The following LAP3 variants were observed in gnomAD, a reference collection of about 807,000 sequenced individuals.
The protein encoded by LAP3 is leucine aminopeptidase 3.
A neutral mutation model predicts 58.8 loss-of-function variants in LAP3; 46 were observed. The observed-to-expected ratio is 0.78, with a 90% CI of 0.62 to 1.00. LAP3 has a LOEUF of 1.00. LAP3 is among the 50% of genes least tolerant of loss of function. The pLI, the probability that LAP3 is intolerant of heterozygous loss-of-function variation, is 0.00. For missense variants in LAP3, 615 were observed against 659.1 expected, an observed-to-expected ratio of 0.93 and a Z score of 0.73; for synonymous variants, 257 against 237.7, an observed-to-expected ratio of 1.08 and a Z score of -0.75.
intron 7 of LAP3, among the ~76,000 whole-genome samples, chr4:17,594,633 C>G (rs1048514377): frequency 5.9e-5 from 9 of 152,182 alleles, no homozygotes; most frequent in Non-Finnish European, 1.3e-4. Flanking sequence ...TGGTTTCTTG[C>G]TAATTGCAGC....
At chr4:17,588,090 A>C (rs745928949) in intron 6 of LAP3, among the ~76,000 whole-genome samples, 7 of 152,010 alleles carry the variant, frequency 4.6e-5, no homozygotes, top group Non-Finnish European at 7.4e-5. Flanking sequence ...TGCTGTGGCG[A>C]GATCGTGGCT....
intron 11 of LAP3, among the ~76,000 whole-genome samples, chr4:17,605,357 A>T (rs1714099555): frequency 6.6e-6 from 1 of 152,114 alleles, no homozygotes; most frequent in South Asian, 2.1e-4. Context: ...TGTTCAATTC[A>T]AGGCCATAGG....
At chr4:17,600,664 C>T (rs901531631) in intron 10 of LAP3, among the ~76,000 whole-genome samples, 3 of 152,132 alleles carry the variant, frequency 2.0e-5, no homozygotes, top group African/African-American at 4.8e-5. Context: ...AGCTTTCAGA[C>T]CACACCAGGT....
At chr4:17,602,461 T>C (rs1210933898) in intron 10 of LAP3, among the ~76,000 whole-genome samples, 1 of 152,116 alleles carries the variant, frequency 6.6e-6, no homozygotes, top group Non-Finnish European at 1.5e-5. Flanking sequence ...TGCTAATTAA[T>C]GTAAAAATAG....
chr4:17,582,384 G>A lies in LAP3; in HGVS notation c.370G>A (p.Ala124Thr), dbSNP rs1349901826. The A allele has an allele frequency of 1.2e-6, 2 of 1,612,278 alleles. No homozygotes were observed. The highest frequency in any genetic ancestry group is 1.7e-6 in the Non-Finnish European group (2 of 1,178,874). The change falls in exon 4 of 13, where the codon GCT becomes ACT. Residue 124 changes from alanine (A) to threonine (T), a missense_variant. Transcript: ENST00000226299. ...WHEGKENIRA[A>T]VAAGCRQIQD... Reference sequence around the variant, plus strand: ...TGAAGGCAAAGAAAACATCAGAGCTGCTGTTGCAGGTTATTTCACTTTTTA... The same window carrying A: ...TGAAGGCAAAGAAAACATCAGAGCTACTGTTGCAGGTTATTTCACTTTTTA...
chr4:17,582,443 A>G lies in LAP3; in HGVS notation c.379+50A>G, dbSNP rs993055046. 31 of 1,391,936 alleles carry G rather than the reference A, an allele frequency of 2.2e-5. No homozygotes were observed. In the Admixed American group the frequency reaches 2.7e-4, roughly 12 times the overall value. The allele number at this position is 1,391,936 out of a possible 1,614,324, so 86.2% of individuals were successfully genotyped here. ...GAATCCTGAGGATCCACTCTTTTTG[A>G]TGACCTCTCTTTCCCCTTTTTGTCC... is the stretch of plus-strand genomic sequence containing the variant. On this transcript the variant is annotated intron_variant, in intron 4 of 12. Coordinates refer to ENST00000226299, the MANE Select transcript of LAP3 (RefSeq NM_015907.3).
At position 17,577,458 on chromosome 4, in the gene LAP3, C is replaced by A; in HGVS notation, c.-8C>A. On this transcript the variant is annotated 5_prime_UTR_variant, in exon 1 of 13. Coordinates refer to ENST00000226299, the MANE Select transcript of LAP3 (RefSeq NM_015907.3). ...CTGGAGGGCGGTGCGAGGGGCCGAG[C>A]CGACAAGATGTTCTTGCTGCCTCTT... 1 of 1,556,896 alleles carries A rather than the reference C, an allele frequency of 6.4e-7. No homozygotes were observed. The highest frequency in any genetic ancestry group is 1.2e-5 in the South Asian group (1 of 84,540).
chr4:17,581,876 T>C, intron 3 of LAP3, 62 bp downstream of exon 3: 1 of 1,262,470 alleles, frequency 7.9e-7, no homozygotes, highest in South Asian at 1.2e-5. Flanking sequence ...CACCAAGTAT[T>C]GGGGCTGTCT....
Position 17,583,467 on chromosome 4 carries a change from C to G in LAP3, c.380-16C>G. On this transcript the variant is annotated splice_polypyrimidine_tract_variant and intron_variant, in intron 4 of 12. Coordinates refer to ENST00000226299, the MANE Select transcript of LAP3 (RefSeq NM_015907.3). ...TTGGACTGACTCCAGTTTTCTGATT[C>G]CTCTGTCTTTTCAAGCGGGGTGCAG... The G allele has an allele frequency of 6.2e-7, 1 of 1,612,862 alleles. No individual in the cohort carries two copies. The highest frequency in any genetic ancestry group is 8.5e-7 in the Non-Finnish European group (1 of 1,179,914).
intron 8 of LAP3, 50 bp downstream of exon 8, chr4:17,595,584 G>C (rs761234844): frequency 1.9e-6 from 3 of 1,584,602 alleles, no homozygotes; most frequent in Non-Finnish European, 8.6e-7. Flanking sequence ...ATTCTAGCCA[G>C]GTGGGAGAAG....
intron 11 of LAP3, among the ~76,000 whole-genome samples, chr4:17,605,303 C>T (rs1044575380): frequency 6.6e-6 from 1 of 152,250 alleles, no homozygotes; most frequent in Non-Finnish European, 1.5e-5. Flanking sequence ...TCTCCTGCTC[C>T]TGTCTCCTGA....
chr4:17,604,343 A>G (rs1476520827), intron 10 of LAP3, among the ~76,000 whole-genome samples: 1 of 152,096 alleles, frequency 6.6e-6, no homozygotes, highest in Non-Finnish European at 1.5e-5. Context: ...AGTTATCCCT[A>G]AAATGAAATT....
chr4:17,596,993 G>A, intron 8 of LAP3, 53 bp from the exon 9 acceptor site: 1 of 1,556,494 alleles, frequency 6.4e-7, no homozygotes, highest in Non-Finnish European at 8.9e-7. Flanking sequence ...TCCCATAGGT[G>A]GCATGTTTGG....
chr4:17,596,562 C>G (rs1713836049), intron 8 of LAP3, among the ~76,000 whole-genome samples: 1 of 152,180 alleles, frequency 6.6e-6, no homozygotes, highest in African/African-American at 2.4e-5. Context: ...TGGTCTTGAA[C>G]TCCTGACCTC....
At chr4:17,577,718 C>T (rs1713246047) in intron 1 of LAP3, 151 bp downstream of exon 1, 1 of 613,828 alleles carries the variant, frequency 1.6e-6, no homozygotes, top group Non-Finnish European at 2.8e-6. Flanking sequence ...TTGCGGGGAT[C>T]GGCCTAGGCC....
chr4:17,584,973 G>A lies in LAP3; in HGVS notation c.541G>A (p.Gly181Arg). ...GTCACTTTATCTTTCTTCTGCCAGT[G>A]GGGATCAGGAGGCCTGGCAGAAAGG... ...MAVSAKLYGS[G>R]DQEAWQKGVL... The change falls in exon 6 of 13, where the codon GGG becomes AGG. Residue 181 changes from glycine to arginine, a missense_variant and splice_region_variant. Coordinates refer to ENST00000226299, the MANE Select transcript of LAP3 (RefSeq NM_015907.3). 1 of 1,613,506 alleles carries A rather than the reference G, an allele frequency of 6.2e-7. No individual in the cohort carries two copies. Among genetic ancestry groups the A allele is most frequent in the Non-Finnish European group, 8.5e-7 (1 of 1,179,770 alleles).
chr4:17,592,518 A>G (rs1163078211), intron 7 of LAP3, among the ~76,000 whole-genome samples: 1 of 152,218 alleles, frequency 6.6e-6, no homozygotes, highest in Non-Finnish European at 1.5e-5. Context: ...AATAAAGTTA[A>G]GAGCATCTGT....
In LAP3 at chr4:17,606,881, A is replaced by G; in HGVS notation, c.1313A>G (p.Tyr438Cys). 6.2e-7 allele frequency: 1 copy of G among 1,613,718 alleles called. No individual in the cohort carries two copies. Among genetic ancestry groups the G allele is most frequent in the Admixed American group, 1.7e-5 (1 of 59,824 alleles). The change falls in exon 12 of 13, where the codon TAT (tyrosine) becomes TGT (cysteine). Residue 438 changes from tyrosine to cysteine, a missense_variant. By Grantham distance (194) the Tyr-to-Cys change is radical. Coordinates refer to ENST00000226299, the MANE Select transcript of LAP3 (RefSeq NM_015907.3). The stretch of plus-strand genomic sequence containing the variant: ...TGGAGGATGCCTCTCTTCGAACATT[A>G]TACAAGACAGGTTGTAGATTGCCAG... The part of the protein sequence containing the change: ...RVWRMPLFEH[Y>C]TRQVVDCQLA...
Position 17,588,822 on chromosome 4 carries a change from C to T in LAP3, c.708C>T (p.Pro236=). 1 of 1,613,414 alleles carries T rather than the reference C, an allele frequency of 6.2e-7. No homozygotes were observed. The highest frequency in any genetic ancestry group is 8.5e-7 in the Non-Finnish European group (1 of 1,179,626). The change falls in exon 7 of 13, where the codon CCC becomes CCT. Residue 236 remains proline (P), a synonymous_variant. Coordinates refer to ENST00000226299, the MANE Select transcript of LAP3 (RefSeq NM_015907.3). ...ASSKTEVHIR[P]KSWIEEQAMG... ...TTTCCCTCTTTCTACCCTATAGACC[C>T]AAGTCTTGGATTGAGGAACAGGCAA...
Sources: allele counts gnomAD v4.1 joint callset (sites outside exome capture counted in the v4.1 genomes callset), GRCh38; gene constraint gnomAD v4.1.1; transcripts MANE v1.5; gene names NCBI Gene and HGNC (gene_info 2026-07-23, HGNC 2026-07-21).